Variants in SUFU observed in about 807,000 individuals in gnomAD.
SUFU encodes suppressor of fused homolog.
A neutral mutation model predicts 58.9 loss-of-function variants in SUFU; 7 were observed. The observed-to-expected ratio is 0.12, with a 90% CI of 0.07 to 0.22. The LOEUF (loss-of-function observed/expected upper bound fraction) is 0.22. Among genes scored for constraint, SUFU ranks in the 10% least tolerant of loss-of-function variants. The pLI is 1.00. For synonymous variants in SUFU, 232 were observed against 254.8 expected (o/e 0.91, Z 0.85); for missense variants, 451 against 641.3 (o/e 0.70, Z 3.20).
rs770829334 is a variant in SUFU at position 102,619,473 on chromosome 10, TG to T, written c.1296+2046del. On this transcript the variant is annotated intron_variant, in intron 10 of 11. Transcript: ENST00000369902. This position sits in a 1 kb window ranked among gnomAD's most constrained non-coding sequence, Gnocchi z 4.2. Reference sequence around the variant, plus strand: ...GCTGGGAGCTACTCAATCAAAGGCCTGTGTTATGGGCTCATTAGTGTGGTCC... The same window carrying T: ...GCTGGGAGCTACTCAATCAAAGGCCTTGTTATGGGCTCATTAGTGTGGTCC... 4.0e-6 allele frequency: 5 copies of T among 1,251,958 alleles called. No homozygotes were observed. The highest frequency in any genetic ancestry group is 7.1e-5 in the East Asian group (2 of 28,158). The allele number at this position is 1,251,958 out of a possible 1,614,324, so 77.6% of individuals were successfully genotyped here.
intron 2 of SUFU, among the ~76,000 whole-genome samples, chr10:102,534,574 A>G (rs2062713845): frequency 6.6e-6 from 1 of 152,230 alleles, no homozygotes; most frequent in Admixed American, 6.5e-5. Flanking sequence ...CCTTCGCCAG[A>G]CTGTCGTTCA....
Position 102,628,279 on chromosome 10 carries a change from G to T in SUFU, c.1365+1036G>T, listed in dbSNP as rs948720575. 6.6e-6 allele frequency among the ~76,000 whole-genome samples: 1 copy of T among 152,174 alleles called. No homozygotes were observed. Among genetic ancestry groups the T allele is most frequent in the Non-Finnish European group, 1.5e-5 (1 of 68,032 alleles). On this transcript the variant is annotated intron_variant, in intron 11 of 11. Coordinates refer to ENST00000369902, the MANE Select transcript of SUFU (RefSeq NM_016169.4). The surrounding 1 kb of genome is among the most constrained non-coding windows in gnomAD (Gnocchi z 4.5). ...TGAGGGGAGTGCACAGGGCGGGACC[G>T]TCCAGTCCAGGTCTCCAGTTGGACA... is the stretch of plus-strand genomic sequence containing the variant.
chr10:102,508,451 A>C (rs2062358086), intron 1 of SUFU, among the ~76,000 whole-genome samples: 1 of 152,028 alleles, frequency 6.6e-6, no homozygotes, highest in Non-Finnish European at 1.5e-5. Flanking sequence ...TCTACCTTTG[A>C]TGTGGCAGTC....
rs1554840836 is a variant in SUFU at position 102,504,243 on chromosome 10, C to T, written c.91C>T (p.Pro31Ser). The T allele has an allele frequency of 1.3e-6, 2 of 1,552,572 alleles. No homozygotes were observed. Among genetic ancestry groups the T allele is most frequent in the Non-Finnish European group, 1.7e-6 (2 of 1,143,694 alleles). The change falls in exon 1 of 12, where the codon CCC becomes TCC. Residue 31 changes from proline to serine, a missense_variant. Transcript: ENST00000369902. Reference sequence around the variant, plus strand: ...CCCCCCGGCCTTCGCTTCGCTCTTTCCCCCGGGACTGCACGCCATCTACGG... The same window carrying T: ...CCCCCCGGCCTTCGCTTCGCTCTTTTCCCCGGGACTGCACGCCATCTACGG... ...TAPPAFASLF[P>S]PGLHAIYGEC...
At chr10:102,534,673 G>C (rs2062715025) in intron 2 of SUFU, among the ~76,000 whole-genome samples, 1 of 152,222 alleles carries the variant, frequency 6.6e-6, no homozygotes, top group Admixed American at 6.5e-5. Context: ...AGAGCAGATT[G>C]ACAGGAAACG....
At position 102,630,419 on chromosome 10, in the gene SUFU, C is replaced by G. The variant is rs551670236; in HGVS notation, c.*264C>G. On this transcript the variant is annotated 3_prime_UTR_variant, in exon 12 of 12. Transcript: ENST00000369902. ...GTGGGCAAATGCGGACCCTCCCTGCCTGCAGCCTGCACAGATTCTGGTTTG... is the reference window on the plus strand; with the variant it reads ...GTGGGCAAATGCGGACCCTCCCTGCGTGCAGCCTGCACAGATTCTGGTTTG... The G allele has an allele frequency of 1.6e-4, 82 of 527,918 alleles. No homozygotes were observed. Among genetic ancestry groups the G allele is most frequent in the Non-Finnish European group, 2.2e-4 (65 of 290,600 alleles). The allele number at this position is 527,918 out of a possible 1,614,324, so 32.7% of individuals were successfully genotyped here.
At chr10:102,517,811 A>G (rs778281184) in intron 2 of SUFU, among the ~76,000 whole-genome samples, 4 of 152,190 alleles carry the variant, frequency 2.6e-5, no homozygotes, top group Non-Finnish European at 2.9e-5. Context: ...TGTCCTGCCT[A>G]CCAAGCTCTT....
At chr10:102,566,570 C>T (rs369105435) in intron 3 of SUFU, among the ~76,000 whole-genome samples, 1 of 152,004 alleles carries the variant, frequency 6.6e-6, no homozygotes, top group Admixed American at 6.6e-5. Context: ...CTAGACCAGC[C>T]TGGCCAACAT....
intron 1 of SUFU, among the ~76,000 whole-genome samples, chr10:102,506,039 G>GAAA (rs1170831161): frequency 1.7e-4 from 14 of 84,202 alleles, no homozygotes; most frequent in South Asian, 4.3e-4. Flanking sequence ...TCTGTTATTT[G>GAAA]AAAAAAAAAA....
At chr10:102,591,581 G>A (rs1054743278) in intron 3 of SUFU, 8 of 151,876 alleles carry the variant, frequency 5.3e-5, no homozygotes, top group African/African-American at 1.9e-4. Context: ...AGATTAGTAT[G>A]GCCCCTGCGC....
Position 102,617,549 on chromosome 10 carries a change from A to G in SUFU, c.1296+121A>G, listed in dbSNP as rs2063699911. 1 of 1,416,654 alleles carries G rather than the reference A, an allele frequency of 7.1e-7. No homozygotes were observed. Among genetic ancestry groups the G allele is most frequent in the Admixed American group, 1.8e-5 (1 of 56,878 alleles). 87.8% of individuals were successfully genotyped at this position (1,416,654 alleles called of 1,614,324 possible). A position where few individuals can be genotyped will look rare whatever the true frequency, so the allele number is the denominator to read the frequency against. On this transcript the variant is annotated intron_variant, in intron 10 of 11. Coordinates refer to ENST00000369902, the MANE Select transcript of SUFU (RefSeq NM_016169.4). The surrounding 1 kb of genome is among the most constrained non-coding windows in gnomAD (Gnocchi z 4.4). The stretch of plus-strand genomic sequence containing the variant: ...CTGGGGGGCTGGTCATGAATGCCTC[A>G]TGGATTCAGGGCCTGGGGCCTGTGT...
intron 3 of SUFU, among the ~76,000 whole-genome samples, chr10:102,567,848 G>T (rs2063107361): frequency 6.6e-6 from 1 of 152,066 alleles, no homozygotes; most frequent in African/African-American, 2.4e-5. Flanking sequence ...AGAGGCTATA[G>T]CCCAATATCC....
At chr10:102,555,618 G>A (rs2062967497) in intron 3 of SUFU, among the ~76,000 whole-genome samples, 1 of 152,180 alleles carries the variant, frequency 6.6e-6, no homozygotes, top group African/African-American at 2.4e-5. Flanking sequence ...TCTAAGTCCG[G>A]TAGAGCCTAT....
chr10:102,599,328 C>T (rs546850038), intron 7 of SUFU, 105 bp from the exon 8 acceptor site: 65 of 855,004 alleles, frequency 7.6e-5, no homozygotes, highest in Non-Finnish European at 1.1e-4. Context: ...GACTGGCCAG[C>T]GTGGTAGTTT....
At chr10:102,581,161 CAGAG>C (rs1223915866) in intron 3 of SUFU, among the ~76,000 whole-genome samples, 2 of 118,774 alleles carry the variant, frequency 1.7e-5, no homozygotes, top group East Asian at 4.8e-4. Context: ...GCCTGGGCGA[CAGAG>C]AGAGACTCTG....
chr10:102,577,617 G>A (rs543929903), intron 3 of SUFU, among the ~76,000 whole-genome samples: 1 of 151,920 alleles, frequency 6.6e-6, no homozygotes, highest in South Asian at 2.1e-4. Flanking sequence ...AGGATTACAG[G>A]CGTGAGCCAC....
chr10:102,508,926 T>C (rs2062363434), intron 1 of SUFU, among the ~76,000 whole-genome samples: 1 of 152,220 alleles, frequency 6.6e-6, no homozygotes. Context: ...CAGTCTGTTT[T>C]ATTTCTAAAA....
chr10:102,585,886 A>G (rs573497486), intron 3 of SUFU, among the ~76,000 whole-genome samples: 2 of 88,814 alleles, frequency 2.3e-5, no homozygotes, highest in East Asian at 4.2e-4. Flanking sequence ...CTATTTGTAT[A>G]TCTTTTTTTT....
intron 3 of SUFU, among the ~76,000 whole-genome samples, chr10:102,579,606 G>C (rs902766254): frequency 6.6e-6 from 1 of 152,202 alleles, no homozygotes; most frequent in Non-Finnish European, 1.5e-5. Context: ...CTAGCTGTGC[G>C]ATTCCTTTGA....
Sources: gnomAD v4.1 joint callset for allele counts (sites outside exome capture counted in the v4.1 genomes callset) on GRCh38, gnomAD v4.1.1 for gene constraint, Gnocchi (gnomAD v3.1) non-coding constraint, MANE v1.5 for transcripts, NCBI Gene and HGNC (gene_info 2026-07-23, HGNC 2026-07-21) for gene names.